The following SH3RF3 variants were observed in gnomAD, a reference collection of about 807,000 sequenced individuals.
SH3RF3 encodes SH3 domain containing ring finger 3, also known as E3 ubiquitin-protein ligase SH3RF3.
A neutral mutation model predicts 66.3 loss-of-function variants in SH3RF3; 29 were observed. The ratio of observed to expected loss-of-function variants is 0.44; its 90% CI spans 0.33 to 0.60. The LOEUF is 0.60. SH3RF3 is among the 20% of genes least tolerant of loss of function. The pLI is 0.04. For missense variants in SH3RF3, 1,194 were observed against 1,190.9 expected (o/e 1.00, Z -0.04); for synonymous variants, 583 against 532.0 (o/e 1.10, Z -1.32).
intron 9 of SH3RF3, among the ~76,000 whole-genome samples, chr2:109,500,793 A>T (rs1412031787): frequency 6.6e-6 from 1 of 152,064 alleles, no homozygotes; most frequent in East Asian, 1.9e-4. Context: ...TACAAAAAAA[A>T]ATTAGAAATT....
chr2:109,196,709 G>A (rs1022237381), intron 1 of SH3RF3, among the ~76,000 whole-genome samples: 7 of 152,174 alleles, frequency 4.6e-5, no homozygotes, highest in South Asian at 2.1e-4. Flanking sequence ...GAGCTGGTGT[G>A]TGCCTCCTCC....
intron 3 of SH3RF3, among the ~76,000 whole-genome samples, chr2:109,375,717 C>A (rs1052611620): frequency 9.9e-5 from 15 of 152,230 alleles, no homozygotes; most frequent in African/African-American, 3.6e-4. Context: ...GGCATGAGTG[C>A]CGGGGCTGAG....
intron 4 of SH3RF3, among the ~76,000 whole-genome samples, chr2:109,410,445 G>A (rs1676558914): frequency 6.6e-6 from 1 of 152,234 alleles, no homozygotes; most frequent in South Asian, 2.1e-4. Flanking sequence ...CCAGGGGGCA[G>A]CATCAGCGTG....
chr2:109,290,030 A>G (rs1296464658), intron 1 of SH3RF3, among the ~76,000 whole-genome samples: 2 of 152,178 alleles, frequency 1.3e-5, no homozygotes, highest in Non-Finnish European at 2.9e-5. Flanking sequence ...TTCCGATTCT[A>G]TAGGTACAGG....
intron 1 of SH3RF3, among the ~76,000 whole-genome samples, chr2:109,310,836 T>C (rs1361126247): frequency 1.1e-5 from 1 of 90,944 alleles, no homozygotes; most frequent in Non-Finnish European, 2.0e-5. Context: ...GAGCTGAAAT[T>C]GTGGCAATAA....
At chr2:109,159,864 G>A (rs887524914) in intron 1 of SH3RF3, among the ~76,000 whole-genome samples, 3 of 152,218 alleles carry the variant, frequency 2.0e-5, no homozygotes, top group African/African-American at 7.2e-5. Context: ...ACCCTCAGAT[G>A]AGACTGTCTA....
chr2:109,162,267 C>T (rs1677506721), intron 1 of SH3RF3, among the ~76,000 whole-genome samples: 1 of 152,182 alleles, frequency 6.6e-6, no homozygotes, highest in South Asian at 2.1e-4. Context: ...AGCATCTCAG[C>T]AGAGCTGTTA....
chr2:109,384,160 G>A (rs972474343), intron 3 of SH3RF3, among the ~76,000 whole-genome samples: 1 of 152,168 alleles, frequency 6.6e-6, no homozygotes, highest in African/African-American at 2.4e-5. Flanking sequence ...AGGCCGCCTG[G>A]GGTCCCACGT....
At chr2:109,155,590 C>T (rs980712013) in intron 1 of SH3RF3, among the ~76,000 whole-genome samples, 22 of 152,140 alleles carry the variant, frequency 1.4e-4, no homozygotes, top group African/African-American at 4.3e-4. Context: ...CCTGAGCCAC[C>T]GTGCCTGGCC....
At chr2:109,379,800 A>T (rs977580607) in intron 3 of SH3RF3, among the ~76,000 whole-genome samples, 1 of 152,026 alleles carries the variant, frequency 6.6e-6, no homozygotes, top group Non-Finnish European at 1.5e-5. Context: ...ATTGCCAAGA[A>T]CACTGGGCAG....
At chr2:109,482,492 G>A (rs1678859847) in intron 8 of SH3RF3, among the ~76,000 whole-genome samples, 1 of 152,146 alleles carries the variant, frequency 6.6e-6, no homozygotes, top group Non-Finnish European at 1.5e-5. Flanking sequence ...AGTTCCTCAG[G>A]GAGTCAGTCT....
Position 109,432,685 on chromosome 2 carries a change from G to A in SH3RF3, c.1574+14G>A. On this transcript the variant is annotated intron_variant, in intron 6 of 9. Transcript: ENST00000309415. ...ACCCGTTTCCAGGTGAGGGCATGGT[G>A]GTGGCAGCCTGGGCAAGGAGAGGGC... The A allele has an allele frequency of 6.2e-7, 1 of 1,606,136 alleles. No homozygotes were observed. The highest frequency in any genetic ancestry group is 1.3e-5 in the African/African-American group (1 of 74,970).
intron 1 of SH3RF3, among the ~76,000 whole-genome samples, chr2:109,132,181 A>G (rs1676713888): frequency 6.6e-6 from 1 of 152,242 alleles, no homozygotes; most frequent in African/African-American, 2.4e-5. Context: ...GCAGGTAACC[A>G]TAAATATTAC....
At chr2:109,449,952 C>A (rs914462688) in intron 8 of SH3RF3, among the ~76,000 whole-genome samples, 1 of 152,202 alleles carries the variant, frequency 6.6e-6, no homozygotes, top group Non-Finnish European at 1.5e-5. Flanking sequence ...ATGGGACAGG[C>A]CTGTTTCCTG....
chr2:109,317,642 C>G (rs1681919460), intron 1 of SH3RF3, among the ~76,000 whole-genome samples: 1 of 152,202 alleles, frequency 6.6e-6, no homozygotes, highest in South Asian at 2.1e-4. Flanking sequence ...AAAAAGAGAA[C>G]TGGCTGAGTT....
intron 1 of SH3RF3, among the ~76,000 whole-genome samples, chr2:109,308,024 G>A (rs1450219156): frequency 1.4e-5 from 2 of 145,888 alleles, no homozygotes; most frequent in Non-Finnish European, 3.0e-5. Context: ...GGTTGAACTA[G>A]TTTACAGTCC....
chr2:109,324,714 T>C (rs1044031663), intron 1 of SH3RF3, among the ~76,000 whole-genome samples: 4 of 152,156 alleles, frequency 2.6e-5, no homozygotes, highest in Admixed American at 2.0e-4. Flanking sequence ...GGTAGTAAAG[T>C]AGATGAAATT....
At chr2:109,145,916 C>T (rs540711661) in intron 1 of SH3RF3, among the ~76,000 whole-genome samples, 20 of 152,242 alleles carry the variant, frequency 1.3e-4, no homozygotes, top group Non-Finnish European at 2.8e-4. Context: ...CCCTGGAGCC[C>T]GAATGCCTGG....
chr2:109,141,579 A>T (rs1370013001), intron 1 of SH3RF3: 1 of 154,868 alleles, frequency 6.5e-6, no homozygotes, highest in Non-Finnish European at 1.5e-5. Context: ...TGAAGCTCCA[A>T]CCCACTGCAC....
Sources: allele counts gnomAD v4.1 joint callset (sites outside exome capture counted in the v4.1 genomes callset), GRCh38; gene constraint gnomAD v4.1.1; transcripts MANE v1.5; gene names NCBI Gene and HGNC (gene_info 2026-07-23, HGNC 2026-07-21).